MMP26: variants seen among roughly 807,000 people sequenced by gnomAD.
MMP26 encodes the protein matrix metalloproteinase-26.
Under a neutral mutation model 31.0 loss-of-function variants are expected in MMP26, and 33 were observed. The observed-to-expected ratio is 1.06, with a 90% CI of 0.81 to 1.42. MMP26 has a LOEUF of 1.42. Among genes scored for constraint, MMP26 ranks in the 40% most tolerant of loss-of-function variants. The probability of loss-of-function intolerance (pLI) is 0.00; values close to 1 mark genes in which losing one functional copy is unlikely to be tolerated. For synonymous variants in MMP26, 122 were observed against 114.9 expected, an observed-to-expected ratio of 1.06 and a Z score of -0.40; for missense variants, 347 against 316.1, an observed-to-expected ratio of 1.10 and a Z score of -0.74.
At chr11:4,937,308 A>G (rs1225006824) in intron 2 of MMP26, 2 of 152,188 alleles carry the variant, frequency 1.3e-5, no homozygotes, top group African/African-American at 4.8e-5. Flanking sequence ...TTCAACGTCT[A>G]TTTAGTTGCC....
At chr11:4,960,790 G>T (rs1213582390) in intron 2 of MMP26, among the ~76,000 whole-genome samples, 1 of 151,824 alleles carries the variant, frequency 6.6e-6, no homozygotes, top group Non-Finnish European at 1.5e-5. Context: ...AATATAAAAA[G>T]CATAGCAGAA....
chr11:4,898,921 A>G (rs1428707933), intron 2 of MMP26, among the ~76,000 whole-genome samples: 1 of 151,472 alleles, frequency 6.6e-6, no homozygotes, highest in African/African-American at 2.4e-5. Flanking sequence ...AAGCTTTATT[A>G]GTTAGAAAGA....
At chr11:4,858,906 G>T (rs1177167147) in intron 2 of MMP26, among the ~76,000 whole-genome samples, 3 of 152,122 alleles carry the variant, frequency 2.0e-5, no homozygotes, top group Non-Finnish European at 2.9e-5. Context: ...AGAGCCCTCA[G>T]AATTAATACC....
intron 2 of MMP26, among the ~76,000 whole-genome samples, chr11:4,782,544 G>A (rs937112732): frequency 6.6e-6 from 1 of 152,174 alleles, no homozygotes; most frequent in Admixed American, 6.5e-5. Flanking sequence ...CCTGACAATG[G>A]GATAGGAAAG....
At chr11:4,806,218 T>A (rs568251796) in intron 2 of MMP26, among the ~76,000 whole-genome samples, 7 of 152,114 alleles carry the variant, frequency 4.6e-5, no homozygotes, top group African/African-American at 1.7e-4. Context: ...GGTGGAGAGT[T>A]CTGTAGATGT....
intron 2 of MMP26, among the ~76,000 whole-genome samples, chr11:4,961,260 T>C (rs931818398): frequency 2.0e-5 from 3 of 152,210 alleles, no homozygotes; most frequent in African/African-American, 7.2e-5. Flanking sequence ...GAGTTAAATT[T>C]CCGATGTCCA....
chr11:4,768,361 T>C (rs1848658604), intron 2 of MMP26, among the ~76,000 whole-genome samples: 1 of 152,200 alleles, frequency 6.6e-6, no homozygotes. Flanking sequence ...GTATTATGAA[T>C]TATCCATGAA....
intron 2 of MMP26, among the ~76,000 whole-genome samples, chr11:4,778,174 C>T (rs1589897800): frequency 6.6e-6 from 1 of 152,126 alleles, no homozygotes; most frequent in East Asian, 1.9e-4. Flanking sequence ...TTCACTGATA[C>T]TTCATTGGAG....
At chr11:4,841,027 A>T (rs1010744226) in intron 2 of MMP26, among the ~76,000 whole-genome samples, 2 of 152,246 alleles carry the variant, frequency 1.3e-5, no homozygotes, top group African/African-American at 4.8e-5. Context: ...CATACTGAAG[A>T]ATGCATTAGA....
chr11:4,795,937 T>A (rs1345884184), intron 2 of MMP26, among the ~76,000 whole-genome samples: 1 of 152,184 alleles, frequency 6.6e-6, no homozygotes, highest in Non-Finnish European at 1.5e-5. Context: ...AAGATGGTTT[T>A]CATGATTCTG....
chr11:4,969,280 T>A lies in MMP26; in HGVS notation c.-144-18788T>A, dbSNP rs377462404. On this transcript the variant is annotated intron_variant, in intron 2 of 7. Transcript: ENST00000380390. ...AAGTATAAGTAACTCATATAAAACA[T>A]ATAACAATAAGATGCCAAAAGAGTG... Among the ~76,000 whole-genome samples the A allele has an allele frequency of 5.9e-5, 9 of 152,108 alleles. No individual in the cohort carries two copies. The East Asian group carries it at 9.7e-4, about 16-fold the overall frequency.
At chr11:4,944,007 C>A in intron 2 of MMP26, 1 of 421,062 alleles carries the variant, frequency 2.4e-6, no homozygotes, top group South Asian at 1.8e-5. Flanking sequence ...GGCTGCCTAT[C>A]CGCACACTGG....
chr11:4,774,657 C>A (rs1241771905), intron 2 of MMP26, among the ~76,000 whole-genome samples: 1 of 151,944 alleles, frequency 6.6e-6, no homozygotes, highest in Non-Finnish European at 1.5e-5. Context: ...TCAATTTTTC[C>A]TTTGTTGCAA....
At chr11:4,815,659 A>G (rs1320803119) in intron 2 of MMP26, among the ~76,000 whole-genome samples, 1 of 152,232 alleles carries the variant, frequency 6.6e-6, no homozygotes, top group Non-Finnish European at 1.5e-5. Context: ...CCTGGAATAT[A>G]TGCTTCAGCA....
chr11:4,743,118 T>C (rs1475712949), intron 1 of MMP26, among the ~76,000 whole-genome samples: 3 of 152,160 alleles, frequency 2.0e-5, no homozygotes, highest in African/African-American at 7.2e-5. Flanking sequence ...AACTATAGTG[T>C]TACACATGTA....
intron 2 of MMP26, chr11:4,803,708 A>G: frequency 1.9e-6 from 3 of 1,613,974 alleles, no homozygotes; most frequent in Non-Finnish European, 2.5e-6. Flanking sequence ...ACAGCTCTCA[A>G]AATCATCACG....
At chr11:4,875,798 G>A (rs1293973622) in intron 2 of MMP26, 2 of 152,076 alleles carry the variant, frequency 1.3e-5, no homozygotes, top group African/African-American at 2.4e-5. Context: ...CAAAGATACG[G>A]ATGAGGACAT....
At chr11:4,990,424 T>C (rs1239236716) in intron 4 of MMP26, among the ~76,000 whole-genome samples, 174 bp from the exon 5 acceptor site, 1 of 152,220 alleles carries the variant, frequency 6.6e-6, no homozygotes, top group East Asian at 1.9e-4. Flanking sequence ...TATTTGCATG[T>C]TTAATTCCTT....
intron 2 of MMP26, among the ~76,000 whole-genome samples, chr11:4,891,922 C>G (rs1850629700): frequency 6.6e-6 from 1 of 152,032 alleles, no homozygotes; most frequent in Non-Finnish European, 1.5e-5. Flanking sequence ...ATAGTTTTTC[C>G]ACAAATCCAG....
Sources: allele counts gnomAD v4.1 joint callset (sites outside exome capture counted in the v4.1 genomes callset), GRCh38; gene constraint gnomAD v4.1.1; transcripts MANE v1.5; gene names NCBI Gene and HGNC (gene_info 2026-07-23, HGNC 2026-07-21).